EXOC3: variants seen among roughly 807,000 people sequenced by gnomAD.
The protein encoded by EXOC3 is SEC6-like 1.
A neutral mutation model predicts 73.7 loss-of-function variants in EXOC3; 21 were observed. That is an observed-to-expected ratio of 0.29 (90% CI 0.20 to 0.41). The LOEUF is 0.41. Ranked by LOEUF, EXOC3 falls within the 10% of genes least tolerant of loss-of-function variation. The pLI is 1.00. For missense variants in EXOC3, 842 were observed against 985.1 expected (o/e 0.85, Z 1.95); for synonymous variants, 410 against 389.1 (o/e 1.05, Z -0.63).
chr5:464,979 C>A, intron 10 of EXOC3, 132 bp from the exon 11 acceptor site: 4 of 932,570 alleles, frequency 4.3e-6, no homozygotes, highest in Non-Finnish European at 6.2e-6. Context: ...GATGCCAGAG[C>A]CGTGGCGGAG....
rs202137959 is a variant in EXOC3 at position 460,308 on chromosome 5, T to A, written c.1391+849T>A. ...TGGCTTGTAGATCTCTGTAGAGAGA[T>A]GTCCCTCAGCCTCCTCCTCAGTCTA... On this transcript the variant is annotated intron_variant, in intron 7 of 12. Coordinates refer to ENST00000512944, the MANE Select transcript of EXOC3 (RefSeq NM_007277.5). Among the ~76,000 whole-genome samples, 7 of 151,884 alleles carry A rather than the reference T, an allele frequency of 4.6e-5. No homozygotes were observed. The East Asian group carries it at 1.4e-3, about 29-fold the overall frequency.
At chr5:466,609 G>A in intron 12 of EXOC3, 118 bp from the exon 13 acceptor site, 1 of 918,468 alleles carries the variant, frequency 1.1e-6, no homozygotes, top group Non-Finnish European at 1.6e-6. Context: ...CAATTTGTCT[G>A]CAGCGGTCCT....
chr5:465,747 C>T lies in EXOC3; in HGVS notation c.1968C>T (p.Cys656=). The change falls in exon 12 of 13, where the codon TGC becomes TGT. Residue 656 remains cysteine (C), a synonymous_variant. Coordinates refer to ENST00000512944, the MANE Select transcript of EXOC3 (RefSeq NM_007277.5). ...SGFGEDVDGY[C]DTIVAVAEVI... ...TCGGGGAAGACGTGGACGGATACTGCGACACCATCGTGGCTGTGGCCGAAG... is the reference window on the plus strand; with the variant it reads ...TCGGGGAAGACGTGGACGGATACTGTGACACCATCGTGGCTGTGGCCGAAG... 6.2e-7 allele frequency: 1 copy of T among 1,613,876 alleles called. No individual in the cohort carries two copies. Among genetic ancestry groups the T allele is most frequent in the Non-Finnish European group, 8.5e-7 (1 of 1,179,842 alleles).
At position 465,854 on chromosome 5, in the gene EXOC3, T is replaced by A. The variant is rs1738131938; in HGVS notation, c.2066+9T>A. 3 of 1,605,896 alleles carry A rather than the reference T, an allele frequency of 1.9e-6. No homozygotes were observed. The highest frequency in any genetic ancestry group is 2.6e-6 in the Non-Finnish European group (3 of 1,176,160). ...AAGTATCCAGACATCAGGTAAGGGA[T>A]GCACGTCTTAGAATCCTGCCTTAGA... On this transcript the variant is annotated intron_variant, in intron 12 of 12. Coordinates refer to ENST00000512944, the MANE Select transcript of EXOC3 (RefSeq NM_007277.5).
intron 4 of EXOC3, 35 bp from the exon 5 acceptor site, chr5:456,854 G>GT (rs1737832667): frequency 6.7e-7 from 1 of 1,497,952 alleles, no homozygotes; most frequent in African/African-American, 1.4e-5. Flanking sequence ...TGTGTCTGTC[G>GT]TGGTTTGTCA....
At position 453,398 on chromosome 5, in the gene EXOC3, C is replaced by A; in HGVS notation, c.393C>A (p.Asp131Glu). ...CTGAGATTGTGAGGGAGACCCAGGACCTAATTGAACAAGGGGCACTCCTGC... is the reference window on the plus strand; with the variant it reads ...CTGAGATTGTGAGGGAGACCCAGGAACTAATTGAACAAGGGGCACTCCTGC... ...SVPEIVRETQDLIEQGALLQA... is the reference protein window; with the variant it reads ...SVPEIVRETQELIEQGALLQA... The change falls in exon 4 of 13, where the codon GAC (aspartate) becomes GAA (glutamate). Residue 131 changes from aspartate (D) to glutamate (E), a missense_variant. Asp to Glu is a conservative substitution (Grantham distance 45). Coordinates refer to ENST00000512944, the MANE Select transcript of EXOC3 (RefSeq NM_007277.5). 6.3e-7 allele frequency: 1 copy of A among 1,592,296 alleles called. No homozygotes were observed. Among genetic ancestry groups the A allele is most frequent in the Non-Finnish European group, 8.6e-7 (1 of 1,169,368 alleles).
At chr5:447,357 G>T (rs1737536894) in intron 2 of EXOC3, 176 bp from the exon 3 acceptor site, 1 of 579,500 alleles carries the variant, frequency 1.7e-6, no homozygotes, top group Non-Finnish European at 3.1e-6. Context: ...GAAGAAAAAG[G>T]TACACTGTGA....
At chr5:452,777 T>C (rs1342972637) in intron 3 of EXOC3, among the ~76,000 whole-genome samples, 1 of 152,278 alleles carries the variant, frequency 6.6e-6, no homozygotes, top group African/African-American at 2.4e-5. Context: ...TGGGCATGCA[T>C]TGGCCACTTC....
chr5:449,704 C>T (rs1017096759), intron 3 of EXOC3, among the ~76,000 whole-genome samples: 10 of 152,222 alleles, frequency 6.6e-5, no homozygotes, highest in African/African-American at 2.4e-4. Flanking sequence ...TGTTGGTGGA[C>T]ATTTGAATTG....
chr5:449,859 G>T (rs1737605461), intron 3 of EXOC3, among the ~76,000 whole-genome samples: 1 of 152,246 alleles, frequency 6.6e-6, no homozygotes, highest in African/African-American at 2.4e-5. Context: ...GCAGCTGCCA[G>T]ACTGTTTCCT....
chr5:443,590 C>T (rs1171967276), intron 1 of EXOC3, among the ~76,000 whole-genome samples: 1 of 151,866 alleles, frequency 6.6e-6, no homozygotes, highest in African/African-American at 2.4e-5. Flanking sequence ...AGTGTCTTCC[C>T]CCACGCCCCA....
At chr5:456,705 C>T (rs1358986186) in intron 4 of EXOC3, among the ~76,000 whole-genome samples, 184 bp from the exon 5 acceptor site, 4 of 152,030 alleles carry the variant, frequency 2.6e-5, no homozygotes, top group African/African-American at 9.7e-5. Context: ...TGGGGTGATG[C>T]CACAGAGACC....
rs895567886 is a variant in EXOC3 at position 459,474 on chromosome 5, C to T, written c.1391+15C>T. ...TTCCTAAGCAGGTATGTCTTTCTGC[C>T]AGTGTGCTAATGTACACATTGAATG... On this transcript the variant is annotated intron_variant, in intron 7 of 12. Transcript: ENST00000512944. The T allele has an allele frequency of 7.3e-7, 1 of 1,376,632 alleles. No homozygotes were observed. The highest frequency in any genetic ancestry group is 1.0e-6 in the Non-Finnish European group (1 of 992,818). 85.3% of individuals were successfully genotyped at this position (1,376,632 alleles called of 1,614,324 possible).
intron 4 of EXOC3, among the ~76,000 whole-genome samples, chr5:456,107 C>G (rs1446792156): frequency 2.6e-5 from 4 of 152,164 alleles, no homozygotes; most frequent in African/African-American, 9.7e-5. Flanking sequence ...AGCACAGCTG[C>G]CCCTCCATAC....
At chr5:447,420 C>T in intron 2 of EXOC3, 113 bp from the exon 3 acceptor site, 2 of 665,242 alleles carry the variant, frequency 3.0e-6, no homozygotes, top group Non-Finnish European at 5.1e-6. Flanking sequence ...TGACTGTTTC[C>T]TGCTACTCAG....
chr5:445,303 G>A (rs1418799817), intron 1 of EXOC3, among the ~76,000 whole-genome samples: 1 of 152,062 alleles, frequency 6.6e-6, no homozygotes, highest in Non-Finnish European at 1.5e-5. Flanking sequence ...AAAAAAGGGG[G>A]AAATGGGGTT....
chr5:464,599 G>A, intron 10 of EXOC3, 187 bp downstream of exon 10: 5 of 572,244 alleles, frequency 8.7e-6, no homozygotes, highest in East Asian at 3.3e-5. Flanking sequence ...GAGAATGGCC[G>A]GGGCCCTGTG....
At chr5:462,441 G>A (rs2081942) in intron 9 of EXOC3, 134 bp downstream of exon 9, 388,793 of 955,158 alleles carry the variant, frequency 0.41, 82,851 homozygotes, top group African/African-American at 0.64. Flanking sequence ...TTGCATTCCG[G>A]TCAGATCGCT....
Position 465,283 on chromosome 5 carries a change from C to T in EXOC3, c.1938+11C>T, listed in dbSNP as rs755567518. The T allele has an allele frequency of 7.6e-6, 12 of 1,571,014 alleles. No homozygotes were observed. The highest frequency in any genetic ancestry group is 3.5e-5 in the South Asian group (3 of 85,522). The stretch of plus-strand genomic sequence containing the variant: ...CGGAAGCTGGCGTCCGTGAGTGTCG[C>T]GCAGGTCCGGGCTGGAGAAGGCCTG... On this transcript the variant is annotated intron_variant, in intron 11 of 12. Coordinates refer to ENST00000512944, the MANE Select transcript of EXOC3 (RefSeq NM_007277.5).
Sources: gnomAD v4.1 joint callset for allele counts (sites outside exome capture counted in the v4.1 genomes callset) on GRCh38, gnomAD v4.1.1 for gene constraint, MANE v1.5 for transcripts, NCBI Gene and HGNC (gene_info 2026-07-23, HGNC 2026-07-21) for gene names.